Variants in SMC2 observed in about 807,000 individuals in gnomAD.
SMC2 encodes structural maintenance of chromosomes protein 2.
SMC2 carries 41 observed loss-of-function variants against 142.6 expected under a neutral mutation model. That is an observed-to-expected ratio of 0.29 (90% CI 0.22 to 0.37). The LOEUF (loss-of-function observed/expected upper bound fraction) is 0.37. Among genes scored for constraint, SMC2 ranks in the 10% least tolerant of loss-of-function variants. SMC2 has a pLI of 1.00. For missense variants in SMC2, 1,265 were observed against 1,373.7 expected, an observed-to-expected ratio of 0.92 and a Z score of 1.25; for synonymous variants, 463 against 457.5, an observed-to-expected ratio of 1.01 and a Z score of -0.15.
intron 3 of SMC2, among the ~76,000 whole-genome samples, chr9:104,097,724 T>C (rs1012360214): frequency 1.3e-5 from 2 of 152,166 alleles, no homozygotes; most frequent in African/African-American, 4.8e-5. Context: ...TACATTAATA[T>C]ATGAACTACC....
At chr9:104,131,868 C>G in intron 21 of SMC2, 141 bp from the exon 22 acceptor site, 3 of 556,040 alleles carry the variant, frequency 5.4e-6, no homozygotes, top group Non-Finnish European at 9.7e-6. Context: ...ATATATAATT[C>G]TTAGTGCATT....
chr9:104,102,419 T>TA lies in SMC2; in HGVS notation c.871-4dup. Reference sequence around the variant, plus strand: ...AGTGATTGAATTGACTGCATTTTGTTATAGGAAACTGGAGGTATACTTCGA... The same window carrying TA: ...AGTGATTGAATTGACTGCATTTTGTTAATAGGAAACTGGAGGTATACTTCGA... On this transcript the variant is annotated splice_region_variant and splice_polypyrimidine_tract_variant and intron_variant, in intron 8 of 24. Coordinates refer to ENST00000374793, the MANE Select transcript of SMC2 (RefSeq NM_006444.3). 2 of 1,590,984 alleles carry TA rather than the reference T, an allele frequency of 1.3e-6. No individual in the cohort carries two copies. Among genetic ancestry groups the TA allele is most frequent in the Non-Finnish European group, 1.7e-6 (2 of 1,171,942 alleles).
intron 3 of SMC2, among the ~76,000 whole-genome samples, chr9:104,096,504 GTTGTTCA>G (rs2131278664): frequency 1.3e-5 from 2 of 152,342 alleles, no homozygotes; most frequent in South Asian, 4.1e-4. Context: ...CAGCTGAAAA[GTTGTTCA>G]TCCAGTATAA....
intron 3 of SMC2, among the ~76,000 whole-genome samples, chr9:104,096,826 G>A (rs548828991): frequency 6.6e-6 from 1 of 152,178 alleles, no homozygotes; most frequent in Non-Finnish European, 1.5e-5. Flanking sequence ...TTCACTTGAT[G>A]TTTGTTCCTA....
chr9:104,094,309 A>G lies in SMC2; in HGVS notation c.-230A>G, dbSNP rs1459212306. On this transcript the variant is annotated 5_prime_UTR_variant, in exon 1 of 25. Coordinates refer to ENST00000374793, the MANE Select transcript of SMC2 (RefSeq NM_006444.3). Reference sequence around the variant, plus strand: ...GGGTCCTTTGCTCGCGCCGAAATTCAAAGGAATAAATAGTTCCGGCGCGGG... The same window carrying G: ...GGGTCCTTTGCTCGCGCCGAAATTCGAAGGAATAAATAGTTCCGGCGCGGG... 1 of 398,560 alleles carries G rather than the reference A, an allele frequency of 2.5e-6. No individual in the cohort carries two copies. Among genetic ancestry groups the G allele is most frequent in the African/African-American group, 2.1e-5 (1 of 48,650 alleles). The allele number at this position is 398,560 out of a possible 1,614,324, so 24.7% of individuals were successfully genotyped here.
Position 104,095,425 on chromosome 9 carries a change from A to G in SMC2, c.41A>G (p.Tyr14Cys). 3 of 1,613,784 alleles carry G rather than the reference A, an allele frequency of 1.9e-6. No individual in the cohort carries two copies. The highest frequency in any genetic ancestry group is 2.5e-6 in the Non-Finnish European group (3 of 1,179,918). The change falls in exon 2 of 25, where the codon TAT (tyrosine) becomes TGT (cysteine). Residue 14 changes from tyrosine to cysteine, a missense_variant. This residue lies in a region of SMC2 where 168 missense variants were observed against 184.8 expected (regional missense o/e 0.91). Coordinates refer to ENST00000374793, the MANE Select transcript of SMC2 (RefSeq NM_006444.3). ...ATTATTCTAGAGGGATTCAAGTCCT[A>G]TGCTCAGAGGACCGAAGTCAATGGT... The part of the protein sequence containing the change: ...KSIILEGFKS[Y>C]AQRTEVNGFD...
chr9:104,101,842 A>G, intron 7 of SMC2, 118 bp from the exon 8 acceptor site: 1 of 613,368 alleles, frequency 1.6e-6, no homozygotes. Flanking sequence ...AAAATGCTAT[A>G]ATTGTTTAAT....
At chr9:104,127,212 A>C in intron 19 of SMC2, 74 bp from the exon 20 acceptor site, 1 of 1,187,676 alleles carries the variant, frequency 8.4e-7, no homozygotes. Flanking sequence ...GGGATCTGTC[A>C]GATAATTGTT....
rs1478931710 is a variant in SMC2 at position 104,118,253 on chromosome 9, GAAC to G, written c.1879_1881del (p.Thr627del). 7 of 1,613,582 alleles carry G rather than the reference GAAC, an allele frequency of 4.3e-6. No individual in the cohort carries two copies. The highest frequency in any genetic ancestry group is 2.2e-5 in the South Asian group (2 of 91,042). On this transcript the variant is annotated inframe_deletion, in exon 15 of 25. Transcript: ENST00000374793. ...CAGAAAGCAATGGAGTTTGTCTTTG[GAAC>G]AACATTTGTTTGTGACAATATGGAT...
At chr9:104,132,268 T>G in intron 22 of SMC2, 143 bp downstream of exon 22, 1 of 550,642 alleles carries the variant, frequency 1.8e-6, no homozygotes, top group South Asian at 2.6e-5. Context: ...CTCTGACTTT[T>G]AAATGCATTT....
intron 16 of SMC2, among the ~76,000 whole-genome samples, chr9:104,121,763 G>A (rs1833764729): frequency 6.6e-6 from 1 of 152,058 alleles, no homozygotes; most frequent in South Asian, 2.1e-4. Context: ...GCCATTCAGA[G>A]ATATAAATTG....
chr9:104,111,969 G>A (rs904827711), intron 10 of SMC2, among the ~76,000 whole-genome samples, 155 bp downstream of exon 10: 3 of 152,142 alleles, frequency 2.0e-5, no homozygotes, highest in Non-Finnish European at 4.4e-5. Flanking sequence ...CTAATGCAGC[G>A]AAATTCAAAT....
At chr9:104,093,750 G>T (rs1297376443), upstream of SMC2, among the ~76,000 whole-genome samples, 1 of 152,200 alleles carries the variant, frequency 6.6e-6, no homozygotes, top group Admixed American at 6.5e-5. Context: ...GCTCCCCGAG[G>T]TCCGAGGCCA....
At chr9:104,135,819 A>G (rs1230717886) in intron 23 of SMC2, 2 of 518,516 alleles carry the variant, frequency 3.9e-6, no homozygotes, top group Admixed American at 3.9e-5. Flanking sequence ...AGAATTGTAT[A>G]TCTAACAGAA....
intron 4 of SMC2, among the ~76,000 whole-genome samples, chr9:104,098,842 A>AT (rs1406640150): frequency 6.6e-6 from 1 of 151,694 alleles, no homozygotes; most frequent in Non-Finnish European, 1.5e-5. Context: ...AACTGTAAAA[A>AT]AAAAAAAGCC....
chr9:104,089,448 G>A (rs1829961234), upstream of SMC2, among the ~76,000 whole-genome samples: 1 of 152,070 alleles, frequency 6.6e-6, no homozygotes, highest in African/African-American at 2.4e-5. Context: ...ATGCCAAGGA[G>A]AACTATGAAA....
intron 7 of SMC2, 108 bp downstream of exon 7, chr9:104,100,541 C>T (rs1006303001): frequency 7.0e-5 from 49 of 702,828 alleles, no homozygotes; most frequent in African/African-American, 6.3e-4. Context: ...TTTTTTCCTG[C>T]GATGAGATAA....
In SMC2 at chr9:104,123,380, G is replaced by C. The variant is rs868347900; in HGVS notation, c.2257+148G>C. ...CCAAGTATGGGATTTCTAGGTCTTA[G>C]GGTATGGTCATTTTCATCTTTATTG... On this transcript the variant is annotated intron_variant, in intron 17 of 24. Coordinates refer to ENST00000374793, the MANE Select transcript of SMC2 (RefSeq NM_006444.3). 4.8e-6 allele frequency: 3 copies of C among 631,414 alleles called. No individual in the cohort carries two copies. In the Middle Eastern group the frequency reaches 1.2e-3, roughly 256 times the overall value. 39.1% of individuals were successfully genotyped at this position (631,414 alleles called of 1,614,324 possible).
At chr9:104,111,541 C>A in intron 9 of SMC2, 40 bp from the exon 10 acceptor site, 1 of 1,425,180 alleles carries the variant, frequency 7.0e-7, no homozygotes, top group South Asian at 1.2e-5. Context: ...GGTGTTTTTC[C>A]TGAAATATAA....
Sources: allele counts gnomAD v4.1 joint callset (sites outside exome capture counted in the v4.1 genomes callset), GRCh38; gene constraint gnomAD v4.1.1; regional missense constraint gnomAD v4.1.1; transcripts MANE v1.5; gene names NCBI Gene and HGNC (gene_info 2026-07-23, HGNC 2026-07-21).